PRORP: variants seen among roughly 807,000 people sequenced by gnomAD.
PRORP encodes the protein mitochondrial ribonuclease P catalytic subunit.
PRORP carries 51 observed loss-of-function variants against 59.4 expected under a neutral mutation model. The observed-to-expected ratio is 0.86, with a 90% CI of 0.69 to 1.08. The LOEUF (loss-of-function observed/expected upper bound fraction) is 1.08, where lower values mean the gene tolerates loss of function less well. PRORP is among the 50% of genes least tolerant of loss of function. The pLI, the probability that PRORP is intolerant of heterozygous loss-of-function variation, is 0.00. For synonymous variants in PRORP, 231 were observed against 245.6 expected (o/e 0.94, Z 0.55); for missense variants, 646 against 690.3 (o/e 0.94, Z 0.72).
chr14:35,247,263 G>A (rs2050509508), intron 5 of PRORP, among the ~76,000 whole-genome samples: 1 of 152,086 alleles, frequency 6.6e-6, no homozygotes, highest in Non-Finnish European at 1.5e-5. Context: ...TGCATAGATT[G>A]CTTAAAACAT....
chr14:35,129,077 G>A (rs1001833786), intron 4 of PRORP, among the ~76,000 whole-genome samples: 1 of 151,754 alleles, frequency 6.6e-6, no homozygotes, highest in African/African-American at 2.4e-5. Context: ...GCATGGCGGC[G>A]CACGCTGGTA....
intron 5 of PRORP, among the ~76,000 whole-genome samples, chr14:35,204,902 C>T (rs2049252429): frequency 6.6e-6 from 1 of 152,082 alleles, no homozygotes; most frequent in East Asian, 1.9e-4. Context: ...TTCACGTGTA[C>T]CAGCAACTGT....
At chr14:35,232,830 G>C (rs186145041) in intron 5 of PRORP, among the ~76,000 whole-genome samples, 2 of 152,004 alleles carry the variant, frequency 1.3e-5, no homozygotes, top group South Asian at 4.1e-4. Flanking sequence ...ATGCCACCAC[G>C]ACCGGCTAAT....
intron 5 of PRORP, among the ~76,000 whole-genome samples, chr14:35,218,662 G>T (rs1482836262): frequency 6.6e-6 from 1 of 151,338 alleles, no homozygotes; most frequent in Admixed American, 6.6e-5. Flanking sequence ...GAGTAGTTTG[G>T]ATTACAGGTG....
intron 4 of PRORP, among the ~76,000 whole-genome samples, chr14:35,155,060 A>T (rs956277943): frequency 1.3e-5 from 2 of 151,958 alleles, no homozygotes; most frequent in African/African-American, 4.8e-5. Flanking sequence ...ACATCAGCTA[A>T]GTTTTGTACT....
intron 5 of PRORP, among the ~76,000 whole-genome samples, chr14:35,185,479 T>G (rs1014480492): frequency 2.6e-5 from 4 of 152,182 alleles, no homozygotes; most frequent in African/African-American, 9.7e-5. Flanking sequence ...TTTCTAAGAC[T>G]AAGGTACAGA....
At chr14:35,256,764 T>C (rs777755539) in intron 5 of PRORP, among the ~76,000 whole-genome samples, 3 of 152,188 alleles carry the variant, frequency 2.0e-5, no homozygotes, top group Non-Finnish European at 4.4e-5. Context: ...TGAAATTGGA[T>C]TGGCCGTGAG....
rs1263541778 is a variant in PRORP at position 35,231,172 on chromosome 14, A to G, written c.1276-35555A>G. 2.6e-5 allele frequency among the ~76,000 whole-genome samples: 4 copies of G among 152,130 alleles called. No individual in the cohort carries two copies. In the South Asian group the frequency reaches 6.2e-4, roughly 24 times the overall value. On this transcript the variant is annotated intron_variant, in intron 5 of 7. Transcript: ENST00000534898. ...ACAAAAATGAAGTTCAAGGTTTACT[A>G]CCTTACATCACATTACCATGTCTGA...
chr14:35,132,243 G>A (rs1324613417), intron 4 of PRORP, among the ~76,000 whole-genome samples: 3 of 146,390 alleles, frequency 2.0e-5, no homozygotes, highest in East Asian at 2.2e-4. Flanking sequence ...GGATCAGCTG[G>A]GGTCAGGAGT....
At chr14:35,244,077 A>G (rs1360546204) in intron 5 of PRORP, among the ~76,000 whole-genome samples, 1 of 152,194 alleles carries the variant, frequency 6.6e-6, no homozygotes, top group Non-Finnish European at 1.5e-5. Flanking sequence ...AATTCCTCAC[A>G]TCAATCCCCA....
intron 5 of PRORP, among the ~76,000 whole-genome samples, chr14:35,256,201 T>C (rs1326064421): frequency 6.8e-6 from 1 of 147,684 alleles, no homozygotes; most frequent in Non-Finnish European, 1.5e-5. Flanking sequence ...GGAGAATCGC[T>C]TAAGCCCAGG....
chr14:35,251,217 G>A (rs2050604247), intron 5 of PRORP, among the ~76,000 whole-genome samples: 1 of 152,140 alleles, frequency 6.6e-6, no homozygotes, highest in Non-Finnish European at 1.5e-5. Flanking sequence ...TTTTATGGCT[G>A]AGTAGTATTC....
upstream of PRORP, chr14:35,122,176 G>T: frequency 1.8e-6 from 1 of 566,838 alleles, no homozygotes. Context: ...AAAAAACTAT[G>T]AAAGAGATGG....
At chr14:35,172,821 G>A (rs1185867429) in intron 4 of PRORP, among the ~76,000 whole-genome samples, 5 of 150,816 alleles carry the variant, frequency 3.3e-5, no homozygotes, top group East Asian at 1.9e-4. Context: ...CTGCCTTGGC[G>A]TCCCAAAGTG....
upstream of PRORP, chr14:35,122,064 C>G: frequency 8.3e-7 from 1 of 1,201,150 alleles, no homozygotes. Flanking sequence ...TTAGGAAGGC[C>G]GTCCAACCAC....
chr14:35,195,858 AAC>A (rs2048995590), intron 5 of PRORP, among the ~76,000 whole-genome samples: 2 of 152,166 alleles, frequency 1.3e-5, no homozygotes, highest in African/African-American at 4.8e-5. Flanking sequence ...TTTCATAACC[AAC>A]AGTTATGTTA....
At chr14:35,132,319 G>A (rs373926888) in intron 4 of PRORP, among the ~76,000 whole-genome samples, 4 of 150,800 alleles carry the variant, frequency 2.7e-5, no homozygotes, top group East Asian at 2.0e-4. Context: ...TTAGCCAGGC[G>A]TGGTGGCGGG....
chr14:35,143,617 A>G (rs1465220543), intron 4 of PRORP, among the ~76,000 whole-genome samples: 1 of 145,838 alleles, frequency 6.9e-6, no homozygotes, highest in Admixed American at 7.1e-5. Context: ...ATGGCTTAAT[A>G]AAAGACAGAT....
chr14:35,266,727 C>T lies in PRORP; in HGVS notation c.1276C>T (p.Leu426Phe). The T allele has an allele frequency of 6.2e-7, 1 of 1,612,832 alleles. No individual in the cohort carries two copies. The highest frequency in any genetic ancestry group is 8.5e-7 in the Non-Finnish European group (1 of 1,179,584). The stretch of plus-strand genomic sequence containing the variant: ...GTGGTTCTGGCTTTGTGTTTTTTAG[C>T]TCTTGAATGTCGTCTCTCAACTAGC... ...MFPKVRESQLLLNVVSQLAKR... is the reference protein window; with the variant it reads ...MFPKVRESQLFLNVVSQLAKR... Residue 426 changes from leucine to phenylalanine, a missense_variant and splice_region_variant, in exon 6 of 8, where the codon CTC becomes TTC. Leu to Phe is a conservative substitution (Grantham distance 22). Coordinates refer to ENST00000534898, the MANE Select transcript of PRORP (RefSeq NM_014672.4).
Sources: allele counts gnomAD v4.1 joint callset (sites outside exome capture counted in the v4.1 genomes callset), GRCh38; gene constraint gnomAD v4.1.1; transcripts MANE v1.5; gene names NCBI Gene and HGNC (gene_info 2026-07-23, HGNC 2026-07-21).